The following SHISA9 variants were observed in gnomAD, a reference collection of about 807,000 sequenced individuals.
SHISA9 encodes the protein shisa family member 9, also known as protein shisa-9.
Under a neutral mutation model 38.0 loss-of-function variants are expected in SHISA9, and 13 were observed. The ratio of observed to expected loss-of-function variants is 0.34; its 90% CI spans 0.22 to 0.54. The LOEUF is 0.54. Among genes scored for constraint, SHISA9 ranks in the 20% least tolerant of loss-of-function variants. The pLI, the probability that SHISA9 is intolerant of heterozygous loss-of-function variation, is 0.91. For synonymous variants in SHISA9, 275 were observed against 242.0 expected (o/e 1.14, Z -1.27); for missense variants, 538 against 575.8 (o/e 0.93, Z 0.67).
At chr16:13,367,881 T>C in the SHISA9 span, among the ~76,000 whole-genome samples, 4 of 151,882 alleles carry the variant, frequency 2.6e-5, no homozygotes, top group Admixed American at 6.6e-5. Flanking sequence ...CAATCAGCTA[T>C]AATTCTTTTA....
chr16:13,107,416 CAG>C (rs201774221), intron 2 of SHISA9, among the ~76,000 whole-genome samples: 2,184 of 151,242 alleles, frequency 0.014, 47 homozygotes, highest in African/African-American at 0.049. Context: ...GCTTGGGCGA[CAG>C]AGAGACTCGG....
the SHISA9 span, among the ~76,000 whole-genome samples, chr16:13,309,956 C>T: frequency 1.3e-5 from 2 of 152,134 alleles, no homozygotes; most frequent in South Asian, 2.1e-4. Flanking sequence ...GGCACGATCT[C>T]GGCTCACTGC....
chr16:13,057,181 C>T (rs2073320824), intron 2 of SHISA9, among the ~76,000 whole-genome samples: 1 of 152,168 alleles, frequency 6.6e-6, no homozygotes, highest in Non-Finnish European at 1.5e-5. Flanking sequence ...GAGGGCCAGT[C>T]CTCCAGCTGT....
At chr16:13,391,965 G>A in the SHISA9 span, among the ~76,000 whole-genome samples, 2 of 152,090 alleles carry the variant, frequency 1.3e-5, no homozygotes, top group African/African-American at 2.4e-5. Flanking sequence ...GGTTTGCCCC[G>A]AGTGTCTGAT....
the SHISA9 span, among the ~76,000 whole-genome samples, chr16:13,534,198 A>T: frequency 2.0e-5 from 3 of 149,662 alleles, no homozygotes; most frequent in Admixed American, 6.7e-5. Context: ...TTCTATCTCC[A>T]TATGTCTCTT....
At chr16:13,313,951 A>G in the SHISA9 span, among the ~76,000 whole-genome samples, 8 of 152,292 alleles carry the variant, frequency 5.3e-5, no homozygotes, top group African/African-American at 1.2e-4. Flanking sequence ...TCAGTTTTCT[A>G]TACTCTCTGT....
intron 2 of SHISA9, among the ~76,000 whole-genome samples, chr16:13,190,509 T>A (rs2050874083): frequency 1.3e-5 from 2 of 152,238 alleles, no homozygotes; most frequent in South Asian, 4.1e-4. Context: ...TTGAAACTCT[T>A]GCAGAATACA....
the SHISA9 span, among the ~76,000 whole-genome samples, chr16:13,292,267 T>G: frequency 1.3e-5 from 2 of 152,146 alleles, no homozygotes; most frequent in East Asian, 3.9e-4. Context: ...GACTATTGCT[T>G]TTAAACCAGG....
At chr16:13,442,358 G>C in the SHISA9 span, among the ~76,000 whole-genome samples, 2 of 151,934 alleles carry the variant, frequency 1.3e-5, no homozygotes, top group Non-Finnish European at 2.9e-5. Flanking sequence ...GCCCAGGCTA[G>C]AGTGCAGTGG....
chr16:13,552,300 C>T, the SHISA9 span, among the ~76,000 whole-genome samples: 1 of 152,128 alleles, frequency 6.6e-6, no homozygotes, highest in South Asian at 2.1e-4. Flanking sequence ...CCCATCATCC[C>T]ACAAATTAAT....
At chr16:12,938,720 C>T (rs1035399482) in intron 2 of SHISA9, among the ~76,000 whole-genome samples, 2 of 152,010 alleles carry the variant, frequency 1.3e-5, no homozygotes, top group Non-Finnish European at 2.9e-5. Context: ...CCAGGATGCT[C>T]TTGAACTCCT....
Position 12,980,027 on chromosome 16 carries a change from C to T in SHISA9, c.691+63212C>T, listed in dbSNP as rs543389860. On this transcript the variant is annotated intron_variant, in intron 2 of 4. Coordinates refer to ENST00000558583, the MANE Select transcript of SHISA9 (RefSeq NM_001145204.3). ...TTAAGTTCCTGTATTTTTACAAGGT[C>T]AGATGAGGCTGAGGCTACTGATTCA... 7.9e-5 allele frequency among the ~76,000 whole-genome samples: 12 copies of T among 152,306 alleles called. No homozygotes were observed. The East Asian group carries it at 2.3e-3, about 29-fold the overall frequency.
chr16:13,310,684 C>CTTTT, the SHISA9 span, among the ~76,000 whole-genome samples: 5 of 125,606 alleles, frequency 4.0e-5, no homozygotes, highest in Non-Finnish European at 6.7e-5. Context: ...GATTTTTATG[C>CTTTT]TTTTTTTTTT....
chr16:13,550,949 G>C, the SHISA9 span, among the ~76,000 whole-genome samples: 10 of 151,938 alleles, frequency 6.6e-5, no homozygotes, highest in South Asian at 2.1e-4. Flanking sequence ...CAGTGAAACC[G>C]CATCTCTACT....
At chr16:12,908,998 G>C (rs1326661024) in intron 1 of SHISA9, 1 of 1,001,474 alleles carries the variant, frequency 1.0e-6, no homozygotes, top group Non-Finnish European at 1.2e-6. Context: ...AATGATAAAT[G>C]CACCTCCTCC....
chr16:13,208,188 A>C (rs1173365354), intron 3 of SHISA9, among the ~76,000 whole-genome samples: 1 of 152,136 alleles, frequency 6.6e-6, no homozygotes. Flanking sequence ...TTCCATTTTA[A>C]TTTTAAAATT....
chr16:12,930,017 C>T (rs2071443154), intron 2 of SHISA9, among the ~76,000 whole-genome samples: 1 of 152,118 alleles, frequency 6.6e-6, no homozygotes, highest in Non-Finnish European at 1.5e-5. Flanking sequence ...CATCATCCTT[C>T]TCTATTAGGT....
chr16:13,097,339 A>T (rs1395321094), intron 2 of SHISA9, among the ~76,000 whole-genome samples: 2 of 151,872 alleles, frequency 1.3e-5, no homozygotes, highest in Non-Finnish European at 2.9e-5. Flanking sequence ...CAGGTCATCT[A>T]CCCAAGTGGA....
At chr16:13,387,843 C>G in the SHISA9 span, among the ~76,000 whole-genome samples, 2 of 152,038 alleles carry the variant, frequency 1.3e-5, no homozygotes, top group Non-Finnish European at 2.9e-5. Flanking sequence ...TAACTATGGT[C>G]CGTTACACCC....
Sources: gnomAD v4.1 joint callset for allele counts (sites outside exome capture counted in the v4.1 genomes callset) on GRCh38, gnomAD v4.1.1 for gene constraint, MANE v1.5 for transcripts, NCBI Gene and HGNC (gene_info 2026-07-23, HGNC 2026-07-21) for gene names.